The following ARFGEF3 variants were observed in gnomAD, a reference collection of about 807,000 sequenced individuals.
The protein encoded by ARFGEF3 is ARFGEF family member 3.
Under a neutral mutation model 221.7 loss-of-function variants are expected in ARFGEF3, and 96 were observed. That is an observed-to-expected ratio of 0.43 (90% CI 0.37 to 0.51). The LOEUF is 0.51. Among genes scored for constraint, ARFGEF3 ranks in the 20% least tolerant of loss-of-function variants. ARFGEF3 has a pLI of 0.00. For missense variants in ARFGEF3, 2,410 were observed against 2,789.9 expected (o/e 0.86, Z 3.07); for synonymous variants, 1,145 against 1,126.8 (o/e 1.02, Z -0.32).
chr6:138,269,415 A>G (rs1275943812), intron 12 of ARFGEF3, among the ~76,000 whole-genome samples: 2 of 152,250 alleles, frequency 1.3e-5, no homozygotes, highest in South Asian at 2.1e-4. Flanking sequence ...ATCTTTATAT[A>G]ATACAGAAGG....
At chr6:138,302,539 A>G (rs777333607) in intron 22 of ARFGEF3, among the ~76,000 whole-genome samples, 1 of 152,158 alleles carries the variant, frequency 6.6e-6, no homozygotes, top group Non-Finnish European at 1.5e-5. Context: ...ATATTTAAAG[A>G]AATAGTGGAA....
chr6:138,250,267 G>A (rs1283280873), intron 8 of ARFGEF3, among the ~76,000 whole-genome samples: 1 of 152,214 alleles, frequency 6.6e-6, no homozygotes, highest in African/African-American at 2.4e-5. Context: ...ATGCCTTGGA[G>A]ATGTGGTATT....
chr6:138,289,027 T>C (rs1779350020), intron 17 of ARFGEF3, among the ~76,000 whole-genome samples: 1 of 152,166 alleles, frequency 6.6e-6, no homozygotes, highest in Admixed American at 6.5e-5. Context: ...CATCTCGGCT[T>C]ACTGCAATCT....
At chr6:138,311,362 C>A in intron 24 of ARFGEF3, 45 bp from the exon 25 acceptor site, 1 of 1,290,290 alleles carries the variant, frequency 7.8e-7, no homozygotes, top group Non-Finnish European at 1.1e-6. Flanking sequence ...CAGGGGGGCA[C>A]GCAAGGGTAA....
At chr6:138,211,537 CT>C (rs1562354729) in intron 4 of ARFGEF3, among the ~76,000 whole-genome samples, 2 of 152,140 alleles carry the variant, frequency 1.3e-5, no homozygotes, top group African/African-American at 2.4e-5. Context: ...ACGCTAATCA[CT>C]TTTGTAACTT....
In ARFGEF3 at chr6:138,294,271, T is replaced by C. The variant is rs935851992; in HGVS notation, c.3502+145T>C. On this transcript the variant is annotated intron_variant, in intron 20 of 33. Coordinates refer to ENST00000251691, the MANE Select transcript of ARFGEF3 (RefSeq NM_020340.5). ...AGCTAAGCCCAAGTATAGATTTGTC[T>C]CCAGATTTTGAGGCATCCTGTGTGA... 8.9e-6 allele frequency: 8 copies of C among 895,920 alleles called. No homozygotes were observed. The African/African-American group carries it at 1.3e-4, about 15-fold the overall frequency. 55.5% of individuals were successfully genotyped at this position (895,920 alleles called of 1,614,324 possible).
chr6:138,333,490 G>T (rs144523933), intron 32 of ARFGEF3, among the ~76,000 whole-genome samples: 1,940 of 152,212 alleles, frequency 0.013, 35 homozygotes, highest in African/African-American at 0.045. Flanking sequence ...TGCCCAGGCT[G>T]GAGTGCAGTG....
intron 6 of ARFGEF3, among the ~76,000 whole-genome samples, chr6:138,242,050 T>C (rs1778402341): frequency 6.6e-6 from 1 of 152,242 alleles, no homozygotes; most frequent in Non-Finnish European, 1.5e-5. Context: ...CTGTAGATAC[T>C]GACATAACAT....
intron 2 of ARFGEF3, among the ~76,000 whole-genome samples, chr6:138,203,374 A>G (rs1236820609): frequency 6.6e-6 from 1 of 152,210 alleles, no homozygotes; most frequent in Non-Finnish European, 1.5e-5. Context: ...AATTTAGAAT[A>G]AGGGCAAGAA....
intron 2 of ARFGEF3, among the ~76,000 whole-genome samples, chr6:138,178,430 C>A (rs574093339): frequency 1.1e-4 from 17 of 152,294 alleles, no homozygotes; most frequent in African/African-American, 3.9e-4. Context: ...GCCTTTCTCA[C>A]TTCCTTATCC....
chr6:138,291,987 G>T lies in ARFGEF3; in HGVS notation c.3302G>T (p.Gly1101Val). ...GSRGRASDFR[G>V]GSLMSGSSAA... ...CGGGGTCGGGCCTCCGACTTCCGCGGCGGGAGCCTCATGAGCGGGAGCAGC... is the reference window on the plus strand; with the variant it reads ...CGGGGTCGGGCCTCCGACTTCCGCGTCGGGAGCCTCATGAGCGGGAGCAGC... Residue 1101 changes from glycine to valine, a missense_variant, in exon 19 of 34, where the codon GGC (glycine) becomes GTC (valine). Physicochemically the swap from Gly to Val is moderately radical, Grantham distance 109. Around this residue, in one of 5 missense-constraint regions of ARFGEF3, gnomAD observed 184 missense variants for 141.8 expected, o/e 1.30. Coordinates refer to ENST00000251691, the MANE Select transcript of ARFGEF3 (RefSeq NM_020340.5). The surrounding 1 kb of genome is among the most constrained non-coding windows in gnomAD (Gnocchi z 4.5). The T allele has an allele frequency of 1.3e-6, 2 of 1,539,240 alleles. No individual in the cohort carries two copies. Among genetic ancestry groups the T allele is most frequent in the East Asian group, 2.5e-5 (1 of 39,878 alleles).
In ARFGEF3 at chr6:138,291,910, G is replaced by A. The variant is rs761888511; in HGVS notation, c.3225G>A (p.Thr1075=). Residue 1075 remains threonine (T), a synonymous_variant, in exon 19 of 34, where the codon ACG becomes ACA. Transcript: ENST00000251691. The surrounding 1 kb of genome is among the most constrained non-coding windows in gnomAD (Gnocchi z 4.5). ...CGGAGCAGGGGCGCTCCCTGAGCAC[G>A]GCCCCTGTCGTCCAGCCCCTGTCCA... ...HSPEQGRSLS[T]APVVQPLSIQ... The A allele has an allele frequency of 1.1e-5, 16 of 1,485,772 alleles. No homozygotes were observed. The Admixed American group carries it at 1.4e-4, about 13-fold the overall frequency. The allele number at this position is 1,485,772 out of a possible 1,614,324, so 92.0% of individuals were successfully genotyped here.
intron 3 of ARFGEF3, among the ~76,000 whole-genome samples, chr6:138,209,251 G>A (rs564324196): frequency 2.6e-5 from 4 of 152,144 alleles, no homozygotes; most frequent in South Asian, 4.2e-4. Context: ...TTCCTGTGAC[G>A]AAGCCACATT....
intron 5 of ARFGEF3, 65 bp downstream of exon 5, chr6:138,229,917 T>C: frequency 1.5e-6 from 2 of 1,365,202 alleles, no homozygotes; most frequent in Non-Finnish European, 2.1e-6. Flanking sequence ...GGATAAATAT[T>C]GGGGTGGAAC....
At chr6:138,265,800 C>A (rs1225638561) in intron 12 of ARFGEF3, among the ~76,000 whole-genome samples, 1 of 152,110 alleles carries the variant, frequency 6.6e-6, no homozygotes, top group Non-Finnish European at 1.5e-5. Context: ...CGGTCTCTCT[C>A]TCTTTTATTT....
In ARFGEF3 at chr6:138,321,201, C is replaced by T; in HGVS notation, c.4742C>T (p.Ser1581Phe). 6.4e-7 allele frequency: 1 copy of T among 1,554,562 alleles called. No individual in the cohort carries two copies. Among genetic ancestry groups the T allele is most frequent in the South Asian group, 1.2e-5 (1 of 84,330 alleles). Residue 1581 changes from serine to phenylalanine, a missense_variant, in exon 29 of 34, where the codon TCC (serine) becomes TTC (phenylalanine). Transcript: ENST00000251691. ...GTGGCCAAGCCCACTGAAACCATCT[C>T]CAGAGTGGGCTGCTCCTGTATTAGG... ...ACVAKPTETI[S>F]RVGCSCIRYV...
rs1779512211 is a variant in ARFGEF3 at position 138,296,040 on chromosome 6, C to A, written c.3503-770C>A. 2.6e-5 allele frequency among the ~76,000 whole-genome samples: 4 copies of A among 152,166 alleles called. No individual in the cohort carries two copies. In the South Asian group the frequency reaches 8.3e-4, roughly 32 times the overall value. ...AGAGCGGGGAAGATGAAGGTTGTCA[C>A]CTTCTTTGCCAAGAAGGTGGCAAAC... On this transcript the variant is annotated intron_variant, in intron 20 of 33. Transcript: ENST00000251691.
chr6:138,299,710 G>C lies in ARFGEF3; in HGVS notation c.3828+925G>C, dbSNP rs541982526. Reference sequence around the variant, plus strand: ...CAGAAGTTCTGGTCATCCCAGACGTGAGTGCACAGAAACAGAAAACAAATC... The same window carrying C: ...CAGAAGTTCTGGTCATCCCAGACGTCAGTGCACAGAAACAGAAAACAAATC... On this transcript the variant is annotated intron_variant, in intron 22 of 33. Transcript: ENST00000251691. 2.6e-5 allele frequency among the ~76,000 whole-genome samples: 4 copies of C among 152,330 alleles called. No individual in the cohort carries two copies. The South Asian group carries it at 8.3e-4, about 32-fold the overall frequency.
intron 26 of ARFGEF3, among the ~76,000 whole-genome samples, chr6:138,314,803 G>A (rs17067403): frequency 0.14 from 21,876 of 152,146 alleles, 1,917 homozygotes; most frequent in East Asian, 0.45. Context: ...TGTGAACTTC[G>A]GGGGAAATAT....
Sources: gnomAD v4.1 joint callset for allele counts (sites outside exome capture counted in the v4.1 genomes callset) on GRCh38, gnomAD v4.1.1 for gene constraint, gnomAD v4.1.1 regional missense constraint, Gnocchi (gnomAD v3.1) non-coding constraint, MANE v1.5 for transcripts, NCBI Gene and HGNC (gene_info 2026-07-23, HGNC 2026-07-21) for gene names.